The following JARID2 variants were observed in gnomAD, a reference collection of about 807,000 sequenced individuals.
JARID2 encodes the protein jumonji and AT-rich interaction domain containing 2, also known as protein Jumonji.
JARID2 carries 21 observed loss-of-function variants against 125.6 expected under a neutral mutation model. The ratio of observed to expected loss-of-function variants is 0.17; its 90% CI spans 0.12 to 0.24. The LOEUF is 0.24. Ranked by LOEUF, JARID2 falls within the 10% of genes least tolerant of loss-of-function variation. The pLI is 1.00. For missense variants in JARID2, 1,303 were observed against 1,639.6 expected (o/e 0.79, Z 3.55); for synonymous variants, 736 against 661.6 (o/e 1.11, Z -1.73).
Position 15,496,977 on chromosome 6 carries a change from C to G in JARID2, c.1752C>G (p.Phe584Leu), listed in dbSNP as rs1462051464. ...IESVRAQVEK[F>L]GMCRVIPPPD... ...CGGTCCGCGCTCAGGTGGAGAAGTT[C>G]GGGATGTGCAGGGTGATCCCCCCTC... The change falls in exon 7 of 18, where the codon TTC becomes TTG. Residue 584 changes from phenylalanine to leucine, a missense_variant. Physicochemically the swap from Phe to Leu is conservative, Grantham distance 22. This residue lies in a region of JARID2 where 651 missense variants were observed against 581.6 expected (regional missense o/e 1.12). Transcript: ENST00000341776. 1 of 1,613,620 alleles carries G rather than the reference C, an allele frequency of 6.2e-7. No homozygotes were observed. The highest frequency in any genetic ancestry group is 8.5e-7 in the Non-Finnish European group (1 of 1,179,670).
chr6:15,493,136 A>G (rs1299422674), intron 6 of JARID2, among the ~76,000 whole-genome samples: 1 of 151,966 alleles, frequency 6.6e-6, no homozygotes, highest in African/African-American at 2.4e-5. Context: ...GGATGGAACC[A>G]AAGGCCTTAC....
At chr6:15,498,681 C>T (rs921111106) in intron 7 of JARID2, among the ~76,000 whole-genome samples, 4 of 152,224 alleles carry the variant, frequency 2.6e-5, no homozygotes, top group Non-Finnish European at 5.9e-5. Flanking sequence ...TCGTGGTTCC[C>T]CTCAGCAGGT....
chr6:15,514,222 G>T (rs1240744104), intron 16 of JARID2, among the ~76,000 whole-genome samples: 1 of 152,354 alleles, frequency 6.6e-6, no homozygotes, highest in African/African-American at 2.4e-5. Context: ...TCACCAGAGA[G>T]CTGCCCTGAC....
intron 1 of JARID2, among the ~76,000 whole-genome samples, chr6:15,318,450 A>G (rs569457747): frequency 1.3e-5 from 2 of 152,318 alleles, no homozygotes; most frequent in Admixed American, 6.5e-5. Flanking sequence ...ATGTCCAGCA[A>G]GAACTTCCAG....
At chr6:15,376,529 A>G (rs1039214220) in intron 2 of JARID2, among the ~76,000 whole-genome samples, 3 of 152,170 alleles carry the variant, frequency 2.0e-5, no homozygotes, top group African/African-American at 7.2e-5. Context: ...CAGCTTGGGC[A>G]ACAAACTACA....
At chr6:15,301,720 C>T (rs114542940) in intron 1 of JARID2, among the ~76,000 whole-genome samples, 6,285 of 152,180 alleles carry the variant, frequency 0.041, 198 homozygotes, top group African/African-American at 0.088. Flanking sequence ...ATATTTGAAA[C>T]GTGAGGAAAA....
chr6:15,374,931 G>A (rs1232478652), intron 2 of JARID2, among the ~76,000 whole-genome samples: 1 of 152,230 alleles, frequency 6.6e-6, no homozygotes, highest in Non-Finnish European at 1.5e-5. Flanking sequence ...ATAATCCCCT[G>A]TGTACTTATC....
At chr6:15,388,491 T>C (rs1417807861) in intron 2 of JARID2, among the ~76,000 whole-genome samples, 1 of 151,822 alleles carries the variant, frequency 6.6e-6, no homozygotes, top group East Asian at 1.9e-4. Flanking sequence ...TTCTTCATAA[T>C]TTCTTTCCCA....
chr6:15,495,462 T>C (rs1269238080), intron 6 of JARID2, among the ~76,000 whole-genome samples: 1 of 152,184 alleles, frequency 6.6e-6, no homozygotes, highest in Non-Finnish European at 1.5e-5. Context: ...CCTGGCCCTG[T>C]CCAGGGCTCG....
At chr6:15,341,510 A>G (rs1169347721) in intron 1 of JARID2, among the ~76,000 whole-genome samples, 1 of 152,160 alleles carries the variant, frequency 6.6e-6, no homozygotes, top group East Asian at 1.9e-4. Flanking sequence ...ACCCTGCCAT[A>G]TTATAGGTAC....
intron 1 of JARID2, among the ~76,000 whole-genome samples, chr6:15,312,555 C>T (rs866275459): frequency 1.3e-4 from 20 of 152,166 alleles, no homozygotes; most frequent in African/African-American, 4.3e-4. Context: ...TGCCTTCTTG[C>T]ACTGTAGATT....
At chr6:15,286,642 C>G (rs1258436783) in intron 1 of JARID2, among the ~76,000 whole-genome samples, 1 of 151,780 alleles carries the variant, frequency 6.6e-6, no homozygotes, top group Admixed American at 6.6e-5. Context: ...GGGCGGATCA[C>G]GAGGTCAGGA....
At chr6:15,400,194 A>C (rs990421637) in intron 2 of JARID2, among the ~76,000 whole-genome samples, 2 of 151,560 alleles carry the variant, frequency 1.3e-5, no homozygotes, top group African/African-American at 4.8e-5. Flanking sequence ...TGCGCAGGGC[A>C]GGGGGAGGGG....
chr6:15,450,025 T>C (rs1166413602), intron 3 of JARID2, among the ~76,000 whole-genome samples: 1 of 136,744 alleles, frequency 7.3e-6, no homozygotes, highest in Non-Finnish European at 1.6e-5. Context: ...TGTAGGAATT[T>C]GTTAAATAGT....
chr6:15,408,143 G>A (rs897876794), intron 2 of JARID2, among the ~76,000 whole-genome samples: 4 of 151,866 alleles, frequency 2.6e-5, no homozygotes, highest in South Asian at 2.1e-4. Context: ...ATGTGTCTGC[G>A]GTCTCAGCTG....
At chr6:15,355,382 T>C (rs978481726) in intron 1 of JARID2, among the ~76,000 whole-genome samples, 2 of 152,234 alleles carry the variant, frequency 1.3e-5, no homozygotes, top group African/African-American at 4.8e-5. Flanking sequence ...TAGGTGATTT[T>C]ATATCTAATG....
intron 3 of JARID2, among the ~76,000 whole-genome samples, chr6:15,447,997 G>A (rs1345556619): frequency 1.3e-5 from 2 of 152,212 alleles, no homozygotes; most frequent in African/African-American, 4.8e-5. Flanking sequence ...ATTTGGCTGT[G>A]CCATTCAAGC....
At position 15,420,522 on chromosome 6, in the gene JARID2, T is replaced by C. The variant is rs528526393; in HGVS notation, c.323+10157T>C. ...CAGTTACAAGAGATATTTGAGTATA[T>C]GTGCTATTTTTGTCTTCCATTATTT... On this transcript the variant is annotated intron_variant, in intron 3 of 17. Transcript: ENST00000341776. 2.5e-3 allele frequency among the ~76,000 whole-genome samples: 378 copies of C among 152,348 alleles called. 1 individual carries two copies. The highest frequency in any genetic ancestry group is 4.4e-3 in the Non-Finnish European group (300 of 68,038).
chr6:15,246,704 T>C (rs1759194530), intron 1 of JARID2, 120 bp downstream of exon 1: 1 of 902,596 alleles, frequency 1.1e-6, no homozygotes, highest in East Asian at 2.5e-5. Flanking sequence ...TAAGGCTGTT[T>C]CTTTTTTTTC....
Sources: allele counts gnomAD v4.1 joint callset (sites outside exome capture counted in the v4.1 genomes callset), GRCh38; gene constraint gnomAD v4.1.1; regional missense constraint gnomAD v4.1.1; transcripts MANE v1.5; gene names NCBI Gene and HGNC (gene_info 2026-07-23, HGNC 2026-07-21).